Variants in ADAM23 observed in about 807,000 individuals in gnomAD.
ADAM23 encodes ADAM metallopeptidase domain 23.
A neutral mutation model predicts 120.1 loss-of-function variants in ADAM23; 33 were observed. The observed-to-expected ratio is 0.27, with a 90% CI of 0.21 to 0.37. The LOEUF is 0.37. Among genes scored for constraint, ADAM23 ranks in the 10% least tolerant of loss-of-function variants. ADAM23 has a pLI of 1.00. For missense variants in ADAM23, 862 were observed against 1,058.2 expected (o/e 0.81, Z 2.57); for synonymous variants, 367 against 375.2 (o/e 0.98, Z 0.25).
At position 206,594,895 on chromosome 2, in the gene ADAM23, C is replaced by G; in HGVS notation, c.2237C>G (p.Ser746Trp). 1 of 1,614,078 alleles carries G rather than the reference C, an allele frequency of 6.2e-7. No homozygotes were observed. The highest frequency in any genetic ancestry group is 8.5e-7 in the Non-Finnish European group (1 of 1,179,976). The change falls in exon 23 of 26, where the codon TCG (serine) becomes TGG (tryptophan). Residue 746 changes from serine (S) to tryptophan (W), a missense_variant. This residue lies in a region of ADAM23 where 617 missense variants were observed against 813.5 expected (regional missense o/e 0.76). Transcript: ENST00000264377. ...CTCGATTCCAAGGGTAAAGTCTGTT[C>G]GGGCCATGGGGTAAGTAGGTATCAA... ...CPLDSKGKVC[S>W]GHGVCSNEAT...
chr2:206,567,240 A>G lies in ADAM23; in HGVS notation c.1412A>G (p.Lys471Arg). The G allele has an allele frequency of 6.2e-7, 1 of 1,613,480 alleles. No individual in the cohort carries two copies. Among genetic ancestry groups the G allele is most frequent in the East Asian group, 2.2e-5 (1 of 44,866 alleles). ...TTCCTCAGGGTGTCCCATTCTCGAA[A>G]ATTTTCAAAGTGCAGCATTTTGGAG... ...MEETGVSHSR[K>R]FSKCSILEYR... Residue 471 changes from lysine to arginine, a missense_variant, in exon 15 of 26, where the codon AAA becomes AGA. Lys to Arg is a conservative substitution (Grantham distance 26, BLOSUM62 2). Coordinates refer to ENST00000264377, the MANE Select transcript of ADAM23 (RefSeq NM_003812.4).
At chr2:206,578,346 AC>A (rs1350800293) in intron 18 of ADAM23, among the ~76,000 whole-genome samples, 2 of 148,732 alleles carry the variant, frequency 1.3e-5, no homozygotes, top group East Asian at 4.0e-4. Flanking sequence ...TTTATCCCTC[AC>A]CCCCCTCCCC....
chr2:206,463,121 C>G (rs1474748324), intron 2 of ADAM23, among the ~76,000 whole-genome samples: 1 of 152,058 alleles, frequency 6.6e-6, no homozygotes, highest in East Asian at 1.9e-4. Flanking sequence ...GACAGATTCC[C>G]CTAAAGATGT....
chr2:206,558,760 T>C (rs563625000), intron 10 of ADAM23, among the ~76,000 whole-genome samples: 1 of 152,362 alleles, frequency 6.6e-6, no homozygotes, highest in Non-Finnish European at 1.5e-5. Flanking sequence ...GTGTAATTTT[T>C]ATTTTGGGTT....
intron 21 of ADAM23, among the ~76,000 whole-genome samples, chr2:206,590,789 A>G (rs1031571852): frequency 6.6e-6 from 1 of 152,130 alleles, no homozygotes; most frequent in Non-Finnish European, 1.5e-5. Flanking sequence ...TCGAGGTGTC[A>G]GGGGATAGGA....
At chr2:206,549,337 T>C (rs914418482) in intron 8 of ADAM23, among the ~76,000 whole-genome samples, 4 of 151,672 alleles carry the variant, frequency 2.6e-5, no homozygotes, top group African/African-American at 9.7e-5. Context: ...AATAATATGT[T>C]TTACAATGGC....
At chr2:206,511,144 G>A (rs1194271277) in intron 3 of ADAM23, among the ~76,000 whole-genome samples, 1 of 151,960 alleles carries the variant, frequency 6.6e-6, no homozygotes, top group South Asian at 2.1e-4. Flanking sequence ...TTGCACCCTT[G>A]TACTATTTAT....
intron 23 of ADAM23, among the ~76,000 whole-genome samples, 170 bp from the exon 24 acceptor site, chr2:206,595,881 A>T (rs1291623162): frequency 1.3e-5 from 2 of 152,120 alleles, no homozygotes; most frequent in African/African-American, 4.8e-5. Context: ...ACACAATTTG[A>T]TCTATGCATT....
At chr2:206,529,701 C>G (rs1407525316) in intron 3 of ADAM23, among the ~76,000 whole-genome samples, 1 of 152,178 alleles carries the variant, frequency 6.6e-6, no homozygotes, top group African/African-American at 2.4e-5. Context: ...TGACCCCTTA[C>G]CCTTCCTTTT....
At chr2:206,445,573 CTTTGA>C (rs1559209779) in intron 2 of ADAM23, 49 bp downstream of exon 2, 4 of 1,486,520 alleles carry the variant, frequency 2.7e-6, no homozygotes, top group Non-Finnish European at 3.7e-6. Flanking sequence ...AAGAGTTTTC[CTTTGA>C]TTTGATTTTC....
chr2:206,577,199 A>T (rs1698131401), intron 18 of ADAM23, among the ~76,000 whole-genome samples: 1 of 152,202 alleles, frequency 6.6e-6, no homozygotes, highest in South Asian at 2.1e-4. Flanking sequence ...ACTAAAACCA[A>T]ATAGATTAGA....
chr2:206,608,258 C>T (rs988303616), intron 24 of ADAM23, among the ~76,000 whole-genome samples: 1 of 152,082 alleles, frequency 6.6e-6, no homozygotes, highest in Non-Finnish European at 1.5e-5. Context: ...GGCTATGTTC[C>T]GATAAAACTT....
At chr2:206,492,649 T>A (rs1000451678) in intron 3 of ADAM23, among the ~76,000 whole-genome samples, 1 of 152,128 alleles carries the variant, frequency 6.6e-6, no homozygotes, top group Non-Finnish European at 1.5e-5. Flanking sequence ...AAGAGCCATA[T>A]GGAAGGGCCA....
At chr2:206,534,609 A>T (rs1697134783) in intron 4 of ADAM23, among the ~76,000 whole-genome samples, 2 of 152,116 alleles carry the variant, frequency 1.3e-5, no homozygotes, top group Non-Finnish European at 2.9e-5. Flanking sequence ...TTCAGTTCTT[A>T]TAAAATAATA....
rs1038440941 is a variant in ADAM23, at chr2:206,537,308, T to C, written c.574-4744T>C. On this transcript the variant is annotated intron_variant, in intron 4 of 25. Transcript: ENST00000264377. ...GTTTTTGGCAGCAGGAGAGCATGGA[T>C]TGTGATCAGGTGGAGTAGGTCTCTG... Among the ~76,000 whole-genome samples, 18 of 152,076 alleles carry C rather than the reference T, an allele frequency of 1.2e-4. No homozygotes were observed. The South Asian group carries it at 1.2e-3, about 11-fold the overall frequency.
chr2:206,523,883 T>C (rs956470125), intron 3 of ADAM23, among the ~76,000 whole-genome samples: 1 of 152,140 alleles, frequency 6.6e-6, no homozygotes, highest in Non-Finnish European at 1.5e-5. Flanking sequence ...GCGGGCACGA[T>C]GCTTCACTGT....
intron 22 of ADAM23, 131 bp from the exon 23 acceptor site, chr2:206,594,606 G>A: frequency 1.1e-6 from 1 of 931,166 alleles, no homozygotes; most frequent in Middle Eastern, 3.2e-4. Context: ...AGAAGAAGAG[G>A]AGTAAGAAAA....
intron 3 of ADAM23, among the ~76,000 whole-genome samples, chr2:206,509,571 C>G (rs1023391975): frequency 6.6e-6 from 1 of 152,164 alleles, no homozygotes; most frequent in Admixed American, 6.5e-5. Context: ...GCCTCAGCCT[C>G]TCGAGTAGCT....
Position 206,464,276 on chromosome 2 carries a change from A to G in ADAM23, c.433-16956A>G, listed in dbSNP as rs546183583. On this transcript the variant is annotated intron_variant, in intron 2 of 25. Transcript: ENST00000264377. Reference sequence around the variant, plus strand: ...GGTGACAGCTGAAAATAAGCTTTGAAAATAAAGTTGAATTTTGACTGGGCA... The same window carrying G: ...GGTGACAGCTGAAAATAAGCTTTGAGAATAAAGTTGAATTTTGACTGGGCA... 2.5e-4 allele frequency among the ~76,000 whole-genome samples: 35 copies of G among 138,846 alleles called. No individual in the cohort carries two copies. The East Asian group carries it at 6.7e-3, about 27-fold the overall frequency. The allele number at this position is 138,846 out of a possible 152,430, so 91.1% of individuals were successfully genotyped here.
Sources: allele counts gnomAD v4.1 joint callset (sites outside exome capture counted in the v4.1 genomes callset), GRCh38; gene constraint gnomAD v4.1.1; regional missense constraint gnomAD v4.1.1; transcripts MANE v1.5; gene names NCBI Gene and HGNC (gene_info 2026-07-23, HGNC 2026-07-21).